The following NRXN3 variants were observed in gnomAD, a reference collection of about 807,000 sequenced individuals.
NRXN3 encodes neurexin 3, also known as neurexin III.
NRXN3 carries 32 observed loss-of-function variants against 137.6 expected under a neutral mutation model. The observed-to-expected ratio is 0.23, with a 90% CI of 0.18 to 0.31. The LOEUF is 0.31. NRXN3 is among the 10% of genes least tolerant of loss of function. The probability of loss-of-function intolerance (pLI) is 1.00; values close to 1 mark genes in which losing one functional copy is unlikely to be tolerated. For synonymous variants in NRXN3, 798 were observed against 784.5 expected, an observed-to-expected ratio of 1.02 and a Z score of -0.29; for missense variants, 1,574 against 2,062.5, an observed-to-expected ratio of 0.76 and a Z score of 4.59.
chr14:78,779,639 CAT>C (rs1467452025), intron 8 of NRXN3, among the ~76,000 whole-genome samples: 1 of 151,840 alleles, frequency 6.6e-6, no homozygotes, highest in Non-Finnish European at 1.5e-5. Flanking sequence ...ACAAGGTAAA[CAT>C]ATAAATCTAA....
chr14:79,393,697 C>T (rs941186532), intron 15 of NRXN3, among the ~76,000 whole-genome samples: 3 of 152,102 alleles, frequency 2.0e-5, no homozygotes, highest in Admixed American at 2.0e-4. Context: ...CGCCTATAGT[C>T]CCAGCTACTC....
intron 2 of NRXN3, among the ~76,000 whole-genome samples, chr14:78,272,407 T>A (rs1160282943): frequency 6.6e-6 from 1 of 152,182 alleles, no homozygotes; most frequent in Non-Finnish European, 1.5e-5. Flanking sequence ...GAATTCTGGG[T>A]ACCAGAGCAT....
At chr14:78,310,158 A>G (rs545645513) in intron 4 of NRXN3, among the ~76,000 whole-genome samples, 1 of 151,482 alleles carries the variant, frequency 6.6e-6, no homozygotes, top group Non-Finnish European at 1.5e-5. Flanking sequence ...TAGGAACTTT[A>G]GTCTTATTTG....
chr14:79,261,838 G>C (rs899703236), intron 15 of NRXN3, among the ~76,000 whole-genome samples: 6 of 152,098 alleles, frequency 3.9e-5, no homozygotes, highest in Admixed American at 3.3e-4. Flanking sequence ...AGGGTACCGA[G>C]GAGGGGCTCT....
intron 15 of NRXN3, among the ~76,000 whole-genome samples, chr14:79,435,993 C>T (rs1007770411): frequency 6.6e-6 from 1 of 152,008 alleles, no homozygotes; most frequent in Admixed American, 6.6e-5. Context: ...AGAGGCTCTC[C>T]TTGATGGAAG....
At chr14:79,627,414 C>T (rs895114493) in intron 16 of NRXN3, among the ~76,000 whole-genome samples, 1 of 152,120 alleles carries the variant, frequency 6.6e-6, no homozygotes, top group African/African-American at 2.4e-5. Context: ...CATTGAGATC[C>T]TCAGCCACTG....
rs181764832 is a variant in NRXN3, at chr14:78,287,059, C to T, written c.727+8397C>T. On this transcript the variant is annotated intron_variant, in intron 3 of 20. Coordinates refer to ENST00000335750, the MANE Select transcript of NRXN3 (RefSeq NM_001330195.2). Reference sequence around the variant, plus strand: ...CACTTGGAGAGCTAATGAATGAGATCCAGGCTCACTAAACTAGGATAGTTC... The same window carrying T: ...CACTTGGAGAGCTAATGAATGAGATTCAGGCTCACTAAACTAGGATAGTTC... 3.8e-3 allele frequency among the ~76,000 whole-genome samples: 579 copies of T among 152,280 alleles called. 4 individuals carry two copies. The highest frequency in any genetic ancestry group is 0.014 in the African/African-American group (563 of 41,558).
At chr14:78,755,394 AGTT>A (rs147415733) in intron 8 of NRXN3, among the ~76,000 whole-genome samples, 247 of 152,122 alleles carry the variant, frequency 1.6e-3, no homozygotes, top group African/African-American at 5.6e-3. Flanking sequence ...ACAGAGACTG[AGTT>A]GTTGTTGATT....
rs540200862 is a variant in NRXN3 at position 78,600,180 on chromosome 14, T to C, written c.758-44940T>C. Among the ~76,000 whole-genome samples, 3 of 152,252 alleles carry C rather than the reference T, an allele frequency of 2.0e-5. No individual in the cohort carries two copies. In the East Asian group the frequency reaches 5.8e-4, roughly 29 times the overall value. Reference sequence around the variant, plus strand: ...GTATCCGACAGTGGAACCACTCTAGTACCTGACACACCTACTCTTGACCCA... The same window carrying C: ...GTATCCGACAGTGGAACCACTCTAGCACCTGACACACCTACTCTTGACCCA... On this transcript the variant is annotated intron_variant, in intron 4 of 20. Coordinates refer to ENST00000335750, the MANE Select transcript of NRXN3 (RefSeq NM_001330195.2).
chr14:78,313,000 C>G (rs1310150040), intron 4 of NRXN3, among the ~76,000 whole-genome samples: 1 of 152,178 alleles, frequency 6.6e-6, no homozygotes, highest in African/African-American at 2.4e-5. Flanking sequence ...CTGTGCGCTG[C>G]ATCTCTGTTT....
intron 16 of NRXN3, among the ~76,000 whole-genome samples, chr14:79,594,294 G>A (rs1376602940): frequency 6.6e-6 from 1 of 152,066 alleles, no homozygotes; most frequent in Non-Finnish European, 1.5e-5. Context: ...TAATAATTGG[G>A]ACTGAGTGTG....
intron 4 of NRXN3, among the ~76,000 whole-genome samples, chr14:78,355,753 TA>T (rs1401286035): frequency 6.6e-6 from 1 of 152,230 alleles, no homozygotes; most frequent in Non-Finnish European, 1.5e-5. Context: ...TCCCTCTACC[TA>T]GAATGCTTTT....
chr14:78,980,494 C>A (rs79845301), intron 14 of NRXN3, among the ~76,000 whole-genome samples: 3,380 of 152,228 alleles, frequency 0.022, 106 homozygotes, highest in African/African-American at 0.075. Flanking sequence ...ATTTCAAGGA[C>A]CTACAAACAA....
chr14:78,247,113 C>T (rs2067806649), intron 2 of NRXN3, among the ~76,000 whole-genome samples: 2 of 152,222 alleles, frequency 1.3e-5, no homozygotes, highest in African/African-American at 4.8e-5. Flanking sequence ...GAGGCGCCTT[C>T]TGTGGTCCAT....
intron 15 of NRXN3, among the ~76,000 whole-genome samples, chr14:79,245,745 A>G (rs926485346): frequency 2.0e-5 from 3 of 152,184 alleles, no homozygotes; most frequent in Non-Finnish European, 4.4e-5. Context: ...GATTCCATCC[A>G]CTGATTTTCC....
chr14:79,274,944 T>G (rs2080046520), intron 15 of NRXN3, among the ~76,000 whole-genome samples: 1 of 152,216 alleles, frequency 6.6e-6, no homozygotes, highest in Admixed American at 6.5e-5. Context: ...AGGATGCCAT[T>G]GTCTTTTTTT....
intron 14 of NRXN3, among the ~76,000 whole-genome samples, chr14:78,976,056 C>T (rs955424044): frequency 1.3e-5 from 2 of 152,042 alleles, no homozygotes; most frequent in African/African-American, 2.4e-5. Context: ...TTTCTAATTC[C>T]TTTTTGTTTT....
intron 15 of NRXN3, among the ~76,000 whole-genome samples, chr14:79,183,521 G>C (rs2063176068): frequency 6.6e-6 from 1 of 152,118 alleles, no homozygotes; most frequent in African/African-American, 2.4e-5. Flanking sequence ...ATGAGTAGTG[G>C]GAAATCTTGA....
At position 78,569,530 on chromosome 14, in the gene NRXN3, G is replaced by GTCCAGAACTCCTAGACTCAAGCGATCCTC. The variant is rs1335680136; in HGVS notation, c.758-75590_758-75589insTCCAGAACTCCTAGACTCAAGCGATCCTC. On this transcript the variant is annotated intron_variant, in intron 4 of 20. Coordinates refer to ENST00000335750, the MANE Select transcript of NRXN3 (RefSeq NM_001330195.2). Reference sequence around the variant, plus strand: ...TCCACCCATCTCGGCCTCCCAAAGTGCTGGGATTACAGGGGTGAGCCACCG... The same window carrying GTCCAGAACTCCTAGACTCAAGCGATCCTC: ...TCCACCCATCTCGGCCTCCCAAAGTGTCCAGAACTCCTAGACTCAAGCGATCCTCCTGGGATTACAGGGGTGAGCCACCG... 2.6e-5 allele frequency among the ~76,000 whole-genome samples: 4 copies of GTCCAGAACTCCTAGACTCAAGCGATCCTC among 151,792 alleles called. No individual in the cohort carries two copies. In the Admixed American group the frequency reaches 2.6e-4, roughly 10 times the overall value.
Sources: allele counts gnomAD v4.1 joint callset (sites outside exome capture counted in the v4.1 genomes callset), GRCh38; gene constraint gnomAD v4.1.1; transcripts MANE v1.5; gene names NCBI Gene and HGNC (gene_info 2026-07-23, HGNC 2026-07-21).